Variants in CAMTA1 observed in about 807,000 individuals in gnomAD.
The protein encoded by CAMTA1 is calmodulin-binding transcription activator 1.
A neutral mutation model predicts 170.9 loss-of-function variants in CAMTA1; 27 were observed. That is an observed-to-expected ratio of 0.16 (90% CI 0.12 to 0.22). The LOEUF is 0.22. CAMTA1 is among the 10% of genes least tolerant of loss of function. CAMTA1 has a pLI of 1.00. For missense variants in CAMTA1, 1,619 were observed against 2,217.2 expected (o/e 0.73, Z 5.42); for synonymous variants, 833 against 891.5 (o/e 0.93, Z 1.17).
At chr1:7,104,704 A>G (rs7528710) in intron 4 of CAMTA1, among the ~76,000 whole-genome samples, 133,883 of 152,172 alleles carry the variant, frequency 0.88, 59,253 homozygotes, top group African/African-American at 0.97. Flanking sequence ...TTCCAATCAG[A>G]CTGTCAACTG....
chr1:6,790,828 A>G (rs1332200366), intron 1 of CAMTA1, among the ~76,000 whole-genome samples: 1 of 152,204 alleles, frequency 6.6e-6, no homozygotes, highest in Non-Finnish European at 1.5e-5. Context: ...TTAGGTATAA[A>G]TAATGATAAT....
chr1:7,556,871 G>A (rs190242690), intron 6 of CAMTA1, among the ~76,000 whole-genome samples: 9 of 152,280 alleles, frequency 5.9e-5, no homozygotes, highest in Admixed American at 2.0e-4. Context: ...GCTGGGCACC[G>A]ATGACAGGGC....
At chr1:7,438,893 C>T (rs973510590) in intron 5 of CAMTA1, among the ~76,000 whole-genome samples, 3 of 152,218 alleles carry the variant, frequency 2.0e-5, no homozygotes, top group Non-Finnish European at 4.4e-5. Flanking sequence ...GTGTCCACCT[C>T]CATATCATAG....
intron 11 of CAMTA1, among the ~76,000 whole-genome samples, chr1:7,712,615 A>C (rs1021336101): frequency 6.6e-6 from 1 of 152,206 alleles, no homozygotes; most frequent in African/African-American, 2.4e-5. Flanking sequence ...CACCACATCC[A>C]GCTCAATCTT....
intron 6 of CAMTA1, among the ~76,000 whole-genome samples, chr1:7,566,184 A>G (rs1296943116): frequency 6.6e-6 from 1 of 152,172 alleles, no homozygotes; most frequent in African/African-American, 2.4e-5. Flanking sequence ...GAGACTGGAG[A>G]CAAGGGATCT....
rs552388154 is a variant in CAMTA1, at chr1:7,614,599, C to T, written c.511-25801C>T. On this transcript the variant is annotated intron_variant, in intron 6 of 22. Coordinates refer to ENST00000303635, the MANE Select transcript of CAMTA1 (RefSeq NM_015215.4). ...AAGCCACCACTTAAAAAATGCCTCC[C>T]GCGTTATTAACATTCCTCACTTGGG... 2.2e-4 allele frequency among the ~76,000 whole-genome samples: 34 copies of T among 152,322 alleles called. No individual in the cohort carries two copies. The South Asian group carries it at 4.8e-3, about 21-fold the overall frequency.
chr1:6,938,271 G>C (rs1385150711), intron 3 of CAMTA1, among the ~76,000 whole-genome samples: 1 of 152,182 alleles, frequency 6.6e-6, no homozygotes, highest in Non-Finnish European at 1.5e-5. Flanking sequence ...CATGTGGCTG[G>C]CAAATGGGGA....
At position 7,212,632 on chromosome 1, in the gene CAMTA1, G is replaced by A. The variant is rs72641239; in HGVS notation, c.303-36859G>A. Among the ~76,000 whole-genome samples the A allele has an allele frequency of 6.5e-3, 994 of 152,114 alleles. 5 individuals are homozygous for A. Among genetic ancestry groups the A allele is most frequent in the Non-Finnish European group, 0.01 (700 of 67,998 alleles). ...ACCCTTTGAGCTGTTTTTCTCAATG[G>A]TAACATCTTGAAAACTATAGTAGAG... On this transcript the variant is annotated intron_variant, in intron 4 of 22. Coordinates refer to ENST00000303635, the MANE Select transcript of CAMTA1 (RefSeq NM_015215.4).
At chr1:7,039,257 C>T (rs1368015072) in intron 3 of CAMTA1, among the ~76,000 whole-genome samples, 4 of 152,096 alleles carry the variant, frequency 2.6e-5, no homozygotes, top group African/African-American at 9.7e-5. Context: ...CTTCCTCCTC[C>T]TCCTCCTCCC....
chr1:7,736,974 C>G lies in CAMTA1; in HGVS notation c.3307C>G (p.Pro1103Ala). ...DSIDLELEVD[P>A]LNVDHFSCTP... ...CATTGACCTGGAACTGGAAGTTGACCCCTTGAATGTGGACCACTTCTCCTG... is the reference window on the plus strand; with the variant it reads ...CATTGACCTGGAACTGGAAGTTGACGCCTTGAATGTGGACCACTTCTCCTG... Residue 1103 changes from proline to alanine, a missense_variant, in exon 14 of 23, where the codon CCC (proline) becomes GCC (alanine). Physicochemically the swap from Pro to Ala is conservative, Grantham distance 27. This residue lies in a region of CAMTA1 where 60 missense variants were observed against 128.5 expected (regional missense o/e 0.47). Transcript: ENST00000303635. The surrounding 1 kb of genome is among the most constrained non-coding windows in gnomAD (Gnocchi z 4.5). The G allele has an allele frequency of 6.2e-7, 1 of 1,613,398 alleles. No individual in the cohort carries two copies. The highest frequency in any genetic ancestry group is 1.6e-4 in the Middle Eastern group (1 of 6,062).
chr1:7,497,869 A>G (rs1446862095), intron 6 of CAMTA1, among the ~76,000 whole-genome samples: 1 of 152,198 alleles, frequency 6.6e-6, no homozygotes, highest in African/African-American at 2.4e-5. Context: ...GTGCAAAGTC[A>G]AAACACTGAG....
chr1:7,399,729 A>G (rs893248566), intron 5 of CAMTA1, among the ~76,000 whole-genome samples: 2 of 152,136 alleles, frequency 1.3e-5, no homozygotes, highest in Non-Finnish European at 2.9e-5. Context: ...TTTCTGAAAG[A>G]TAGTTTTGTT....
chr1:7,308,372 C>G (rs1270474123), intron 5 of CAMTA1, among the ~76,000 whole-genome samples: 1 of 151,616 alleles, frequency 6.6e-6, no homozygotes, highest in Non-Finnish European at 1.5e-5. Flanking sequence ...TCTTATTTTA[C>G]TATCTCCTTT....
rs922488551 is a variant in CAMTA1 at position 6,948,617 on chromosome 1, T to C, written c.234+123407T>C. 3.3e-5 allele frequency among the ~76,000 whole-genome samples: 5 copies of C among 152,302 alleles called. No individual in the cohort carries two copies. In the South Asian group the frequency reaches 1.0e-3, roughly 32 times the overall value. On this transcript the variant is annotated intron_variant, in intron 3 of 22. Transcript: ENST00000303635. ...ATGGTGGGGACAGGGTGGGGCATCA[T>C]GTGTGTTGATTATCTTCCCTATGTT...
chr1:6,827,478 G>C (rs961000370), intron 3 of CAMTA1, among the ~76,000 whole-genome samples: 1 of 151,234 alleles, frequency 6.6e-6, no homozygotes, highest in African/African-American at 2.4e-5. Flanking sequence ...TGACAGCGAA[G>C]ACTTACCCTA....
intron 5 of CAMTA1, among the ~76,000 whole-genome samples, chr1:7,259,153 A>G (rs545576386): frequency 8.7e-4 from 132 of 152,110 alleles, no homozygotes; most frequent in African/African-American, 3.0e-3. Context: ...CTGGCTGCTG[A>G]GCTTCCCTGT....
chr1:6,852,279 C>T (rs1660695498), intron 3 of CAMTA1, among the ~76,000 whole-genome samples: 1 of 152,188 alleles, frequency 6.6e-6, no homozygotes, highest in South Asian at 2.1e-4. Context: ...TCTCTTTCTT[C>T]TACACTCACA....
At position 7,460,897 on chromosome 1, in the gene CAMTA1, G is replaced by A. The variant is rs550275968; in HGVS notation, c.439-6933G>A. ...AGAGATGGGCCCAGTGGAGTCTCTG[G>A]GGCCAGCCACAGGGGCTGTGGTGGT... On this transcript the variant is annotated intron_variant, in intron 5 of 22. Transcript: ENST00000303635. 1.6e-3 allele frequency among the ~76,000 whole-genome samples: 251 copies of A among 152,176 alleles called. 2 individuals are homozygous for A. Among genetic ancestry groups the A allele is most frequent in the African/African-American group, 4.8e-3 (201 of 41,504 alleles).
At chr1:7,202,040 AT>A (rs1366570304) in intron 4 of CAMTA1, among the ~76,000 whole-genome samples, 2 of 152,068 alleles carry the variant, frequency 1.3e-5, no homozygotes, top group Non-Finnish European at 1.5e-5. Flanking sequence ...TCTTTGATCC[AT>A]CTGTTTTGAG....
Sources: gnomAD v4.1 joint callset for allele counts (sites outside exome capture counted in the v4.1 genomes callset) on GRCh38, gnomAD v4.1.1 for gene constraint, gnomAD v4.1.1 regional missense constraint, Gnocchi (gnomAD v3.1) non-coding constraint, MANE v1.5 for transcripts, NCBI Gene and HGNC (gene_info 2026-07-23, HGNC 2026-07-21) for gene names.